Variants in CDC42BPA observed in about 807,000 individuals in gnomAD.
CDC42BPA encodes serine/threonine-protein kinase MRCK alpha.
Under a neutral mutation model 223.5 loss-of-function variants are expected in CDC42BPA, and 80 were observed. That is an observed-to-expected ratio of 0.36 (90% CI 0.30 to 0.43). The LOEUF (loss-of-function observed/expected upper bound fraction) is 0.43, where lower values mean the gene tolerates loss of function less well. Among genes scored for constraint, CDC42BPA ranks in the 20% least tolerant of loss-of-function variants. CDC42BPA has a pLI of 1.00. For synonymous variants in CDC42BPA, 694 were observed against 718.6 expected (o/e 0.97, Z 0.55); for missense variants, 1,743 against 2,099.9 (o/e 0.83, Z 3.32).
rs1216248921 is a variant in CDC42BPA at position 227,002,604 on chromosome 1, C to T, written c.4975+2390G>A. On this transcript the variant is annotated intron_variant, in intron 35 of 36. Coordinates refer to ENST00000366766, the MANE Select transcript of CDC42BPA (RefSeq NM_001394014.1). ...ACAGCATACTGAAGAAGTGGTGATA[C>T]AGCACTCCTGAGGTTAGGTAGAACA... Among the ~76,000 whole-genome samples, 3 of 152,324 alleles carry T rather than the reference C, an allele frequency of 2.0e-5. No homozygotes were observed. The East Asian group carries it at 5.8e-4, about 29-fold the overall frequency.
chr1:227,168,662 A>AT (rs998553868), intron 5 of CDC42BPA, among the ~76,000 whole-genome samples: 25 of 150,798 alleles, frequency 1.7e-4, no homozygotes, highest in Admixed American at 1.3e-4. Context: ...CGTCCGGCTA[A>AT]TTTTTTTTGT....
In CDC42BPA at chr1:227,034,802, T is replaced by G. The variant is rs367599369; in HGVS notation, c.3337-8A>C. On this transcript the variant is annotated splice_polypyrimidine_tract_variant and splice_region_variant and intron_variant, in intron 25 of 36. Transcript: ENST00000366766. The stretch of plus-strand genomic sequence containing the variant: ...TCCAGCTGGCTTAGGAATCTTAGTT[T>G]TGTTTTAGACAGACAAACAGCCAAA... The G allele has an allele frequency of 1.8e-5, 26 of 1,468,398 alleles. No individual in the cohort carries two copies. Among genetic ancestry groups the G allele is most frequent in the Middle Eastern group, 1.7e-4 (1 of 5,750 alleles). The allele number at this position is 1,468,398 out of a possible 1,614,324, so 91.0% of individuals were successfully genotyped here. A position where few individuals can be genotyped will look rare whatever the true frequency, so the allele number is the denominator to read the frequency against.
rs117349515 is a variant in CDC42BPA, at chr1:227,257,327, A to C, written c.179-3172T>G. The stretch of plus-strand genomic sequence containing the variant: ...CTGAATTGTACATGTAAAAGTGGTC[A>C]AAATGGCAAATTTTGTTATATGTAT... On this transcript the variant is annotated intron_variant, in intron 1 of 36. Transcript: ENST00000366766. 2.2e-3 allele frequency among the ~76,000 whole-genome samples: 335 copies of C among 151,754 alleles called. 9 individuals carry two copies. The East Asian group carries it at 0.046, about 21-fold the overall frequency.
intron 14 of CDC42BPA, among the ~76,000 whole-genome samples, chr1:227,104,241 C>T (rs1300167982): frequency 1.3e-5 from 2 of 152,074 alleles, no homozygotes; most frequent in South Asian, 2.1e-4. Context: ...ATAAATTAGC[C>T]TTAAAATAAT....
intron 20 of CDC42BPA, 95 bp from the exon 21 acceptor site, chr1:227,069,948 C>G: frequency 1.4e-6 from 1 of 734,800 alleles, no homozygotes; most frequent in Non-Finnish European, 2.3e-6. Flanking sequence ...AAGCAGTTCA[C>G]AAACTACTGT....
At chr1:227,026,029 T>C (rs1046862187) in intron 31 of CDC42BPA, 26 bp downstream of exon 31, 2 of 1,290,606 alleles carry the variant, frequency 1.5e-6, no homozygotes, top group East Asian at 4.7e-5. Context: ...TCAGTTGGCT[T>C]AGCCCACATT....
At chr1:227,292,578 G>A (rs149762041) in intron 1 of CDC42BPA, among the ~76,000 whole-genome samples, 100 of 152,262 alleles carry the variant, frequency 6.6e-4, no homozygotes, top group African/African-American at 2.2e-3. Context: ...AAGATACAGT[G>A]AAAATTCAAC....
At chr1:227,164,731 C>T (rs1010666041) in intron 5 of CDC42BPA, among the ~76,000 whole-genome samples, 1 of 151,836 alleles carries the variant, frequency 6.6e-6, no homozygotes, top group African/African-American at 2.4e-5. Flanking sequence ...CACACACACC[C>T]CTAACTAAAT....
At chr1:227,242,693 T>G (rs553202021) in intron 2 of CDC42BPA, among the ~76,000 whole-genome samples, 1 of 152,154 alleles carries the variant, frequency 6.6e-6, no homozygotes, top group African/African-American at 2.4e-5. Flanking sequence ...AAGAATTGGA[T>G]TGGGGCAGAT....
intron 26 of CDC42BPA, 23 bp from the exon 27 acceptor site, chr1:227,033,438 A>T: frequency 1.3e-6 from 2 of 1,545,118 alleles, no homozygotes; most frequent in Non-Finnish European, 1.8e-6. Context: ...CAAAGCATTA[A>T]AAGTTACTAT....
At chr1:227,119,383 A>G (rs966019788) in intron 12 of CDC42BPA, among the ~76,000 whole-genome samples, 1 of 151,384 alleles carries the variant, frequency 6.6e-6, no homozygotes, top group African/African-American at 2.4e-5. Flanking sequence ...ATAAAAACTG[A>G]CATTTAAAAC....
chr1:227,247,939 GA>G (rs1263122897), intron 2 of CDC42BPA, among the ~76,000 whole-genome samples: 5 of 151,886 alleles, frequency 3.3e-5, no homozygotes, highest in Admixed American at 6.6e-5. Context: ...TTCTAGAGTT[GA>G]AAAACTCAAC....
chr1:227,236,846 G>A (rs983986902), intron 2 of CDC42BPA, among the ~76,000 whole-genome samples: 2 of 151,752 alleles, frequency 1.3e-5, no homozygotes, highest in African/African-American at 4.8e-5. Context: ...GGTGTGAGAC[G>A]AGCCTGGGCA....
intron 11 of CDC42BPA, among the ~76,000 whole-genome samples, chr1:227,124,986 T>A (rs987912452): frequency 2.0e-5 from 3 of 152,110 alleles, no homozygotes; most frequent in African/African-American, 7.2e-5. Flanking sequence ...TGGGACCTGA[T>A]AAACAACATA....
intron 35 of CDC42BPA, chr1:227,004,096 G>A (rs1045554753): frequency 5.4e-5 from 8 of 148,852 alleles, no homozygotes; most frequent in African/African-American, 2.0e-4. Context: ...TTGGACATGC[G>A]TGGAATGTCC....
chr1:227,149,850 G>T (rs893579802), intron 6 of CDC42BPA, among the ~76,000 whole-genome samples: 1 of 152,130 alleles, frequency 6.6e-6, no homozygotes, highest in Non-Finnish European at 1.5e-5. Flanking sequence ...ATAGTGGAAA[G>T]CAATATCCAA....
intron 21 of CDC42BPA, among the ~76,000 whole-genome samples, chr1:227,063,377 GAAATA>G (rs1358098564): frequency 6.6e-6 from 1 of 152,002 alleles, no homozygotes; most frequent in Non-Finnish European, 1.5e-5. Context: ...GAAACCAAAA[GAAATA>G]ATCTCAGGAG....
At chr1:227,241,608 T>C (rs1680031199) in intron 2 of CDC42BPA, among the ~76,000 whole-genome samples, 1 of 152,100 alleles carries the variant, frequency 6.6e-6, no homozygotes, top group Non-Finnish European at 1.5e-5. Flanking sequence ...TTATATGAAA[T>C]TTTCAAACAG....
At chr1:227,112,506 G>T in intron 13 of CDC42BPA, 84 bp from the exon 14 acceptor site, 2 of 1,067,616 alleles carry the variant, frequency 1.9e-6, no homozygotes, top group African/African-American at 1.6e-5. Context: ...AATTTACCTT[G>T]TAACAGGAAG....
Sources: gnomAD v4.1 joint callset for allele counts (sites outside exome capture counted in the v4.1 genomes callset) on GRCh38, gnomAD v4.1.1 for gene constraint, MANE v1.5 for transcripts, NCBI Gene and HGNC (gene_info 2026-07-23, HGNC 2026-07-21) for gene names.